The following FARP1 variants were observed in gnomAD, a reference collection of about 807,000 sequenced individuals.
The protein encoded by FARP1 is FERM, ARHGEF and pleckstrin domain-containing protein 1.
Under a neutral mutation model 128.8 loss-of-function variants are expected in FARP1, and 52 were observed. The ratio of observed to expected loss-of-function variants is 0.40; its 90% CI spans 0.32 to 0.51. FARP1 has a LOEUF of 0.51. FARP1 is among the 20% of genes least tolerant of loss of function. FARP1 has a pLI of 0.45. For synonymous variants in FARP1, 580 were observed against 551.8 expected (o/e 1.05, Z -0.72); for missense variants, 1,333 against 1,367.9 (o/e 0.97, Z 0.40).
intron 1 of FARP1, among the ~76,000 whole-genome samples, chr13:98,185,250 T>G (rs9554445): frequency 6.6e-6 from 1 of 152,140 alleles, no homozygotes; most frequent in Admixed American, 6.5e-5. Flanking sequence ...TAAAAATTCC[T>G]GAAAATTTAA....
intron 1 of FARP1, among the ~76,000 whole-genome samples, chr13:98,202,381 A>G (rs1011579413): frequency 6.6e-6 from 1 of 152,230 alleles, no homozygotes; most frequent in African/African-American, 2.4e-5. Context: ...AACATGGGGC[A>G]CAGAAGTGGT....
At chr13:98,239,220 C>T (rs374417940) in intron 2 of FARP1, among the ~76,000 whole-genome samples, 8 of 152,136 alleles carry the variant, frequency 5.3e-5, no homozygotes, top group African/African-American at 1.7e-4. Flanking sequence ...GAACAAGTGC[C>T]GGTTTACGCA....
intron 1 of FARP1, among the ~76,000 whole-genome samples, chr13:98,195,285 T>G (rs1879498761): frequency 6.6e-6 from 1 of 152,186 alleles, no homozygotes; most frequent in African/African-American, 2.4e-5. Context: ...GGTATGCACC[T>G]AAGGTTGCTC....
At chr13:98,231,963 G>T (rs145952474) in intron 2 of FARP1, among the ~76,000 whole-genome samples, 80 of 152,050 alleles carry the variant, frequency 5.3e-4, no homozygotes, top group African/African-American at 1.9e-3. Flanking sequence ...AAGTAGCTGG[G>T]ATTACAGGTA....
chr13:98,186,619 C>A (rs1382550187), intron 1 of FARP1, among the ~76,000 whole-genome samples: 5 of 152,074 alleles, frequency 3.3e-5, no homozygotes, highest in Non-Finnish European at 1.5e-5. Context: ...TTAAAGGCTG[C>A]GTAATAATCC....
In FARP1 at chr13:98,342,737, G is replaced by A. The variant is rs370314164; in HGVS notation, c.172-1025G>A. 3.4e-4 allele frequency among the ~76,000 whole-genome samples: 50 copies of A among 148,684 alleles called. 1 individual carries two copies. In the South Asian group the frequency reaches 0.01, roughly 31 times the overall value. ...AAGCTACCAAGTCATAAAAAGACAT[G>A]GAAGGGGCAGGGCACAGTGGCTCAT... On this transcript the variant is annotated intron_variant, in intron 2 of 26. Coordinates refer to ENST00000319562, the MANE Select transcript of FARP1 (RefSeq NM_005766.4).
At chr13:98,198,880 T>C (rs1879745796) in intron 1 of FARP1, among the ~76,000 whole-genome samples, 2 of 127,164 alleles carry the variant, frequency 1.6e-5, no homozygotes, top group South Asian at 5.9e-4. Flanking sequence ...TCCATCTCAA[T>C]CTCAACCCTC....
At chr13:98,277,150 C>CACACA (rs1566824337) in intron 2 of FARP1, among the ~76,000 whole-genome samples, 32 of 11,742 alleles carry the variant, frequency 2.7e-3, no homozygotes, top group African/African-American at 4.8e-3. Context: ...ACACACACAC[C>CACACA]CCATATGTAT....
At chr13:98,207,050 A>G (rs1802796973) in intron 1 of FARP1, among the ~76,000 whole-genome samples, 1 of 152,180 alleles carries the variant, frequency 6.6e-6, no homozygotes. Context: ...ATCAAGCATC[A>G]ACTGTGGTTA....
At chr13:98,397,925 A>ATT (rs1374073485) in intron 13 of FARP1, 4 of 140,222 alleles carry the variant, frequency 2.9e-5, no homozygotes, top group Non-Finnish European at 6.2e-5. Context: ...AAAAAGATAA[A>ATT]TTGTAGAATA....
chr13:98,218,592 GAC>G (rs1881234943), intron 2 of FARP1, among the ~76,000 whole-genome samples: 1 of 152,180 alleles, frequency 6.6e-6, no homozygotes, highest in South Asian at 2.1e-4. Context: ...AGCCTGATTA[GAC>G]ACAGTGGGTA....
chr13:98,368,338 C>T (rs1889186892), intron 5 of FARP1, 143 bp downstream of exon 5: 2 of 622,282 alleles, frequency 3.2e-6, no homozygotes, highest in South Asian at 2.2e-5. Context: ...TAACCTTCCT[C>T]TTTCCCAGCC....
intron 2 of FARP1, chr13:98,334,133 GCCT>G: frequency 6.6e-6 from 1 of 152,262 alleles, no homozygotes; most frequent in East Asian, 1.9e-4. Context: ...GAAGTAGCTT[GCCT>G]CCAGTGAGTG....
At chr13:98,371,855 G>T (rs982758346) in intron 5 of FARP1, among the ~76,000 whole-genome samples, 1 of 152,132 alleles carries the variant, frequency 6.6e-6, no homozygotes, top group Non-Finnish European at 1.5e-5. Flanking sequence ...AATGCTTTGG[G>T]CCTCCAGGAA....
intron 1 of FARP1, among the ~76,000 whole-genome samples, chr13:98,146,324 G>A (rs1875557865): frequency 6.6e-6 from 1 of 152,154 alleles, no homozygotes; most frequent in South Asian, 2.1e-4. Context: ...TGCCTCCCAG[G>A]TTCAAGCGAT....
chr13:98,438,571 G>A (rs1199668685), intron 19 of FARP1, among the ~76,000 whole-genome samples: 2 of 152,154 alleles, frequency 1.3e-5, no homozygotes, highest in Non-Finnish European at 2.9e-5. Context: ...ACAGCACCTG[G>A]GGCAGAGCAA....
At chr13:98,337,192 C>A (rs1887780678) in intron 2 of FARP1, among the ~76,000 whole-genome samples, 1 of 152,066 alleles carries the variant, frequency 6.6e-6, no homozygotes, top group Non-Finnish European at 1.5e-5. Flanking sequence ...CATAGCAAGA[C>A]CTCGTCTCTA....
intron 1 of FARP1, among the ~76,000 whole-genome samples, chr13:98,145,350 G>T (rs1875448075): frequency 6.6e-6 from 1 of 152,288 alleles, no homozygotes; most frequent in East Asian, 1.9e-4. Flanking sequence ...GGTTTCTAAT[G>T]CCCCCTTTCA....
At chr13:98,448,034 CTGAG>C (rs753680745) in intron 26 of FARP1, 198 bp from the exon 27 acceptor site, 20 of 599,578 alleles carry the variant, frequency 3.3e-5, no homozygotes, top group South Asian at 1.4e-4. Context: ...CAGCTCCACA[CTGAG>C]TGAGTGCCCA....
Sources: gnomAD v4.1 joint callset for allele counts (sites outside exome capture counted in the v4.1 genomes callset) on GRCh38, gnomAD v4.1.1 for gene constraint, MANE v1.5 for transcripts, NCBI Gene and HGNC (gene_info 2026-07-23, HGNC 2026-07-21) for gene names.